Variants in NDEL1 observed in about 807,000 individuals in gnomAD.
The protein encoded by NDEL1 is nudE neurodevelopment protein 1 like 1, also known as nuclear distribution protein nudE-like 1.
Under a neutral mutation model 45.7 loss-of-function variants are expected in NDEL1, and 9 were observed. The observed-to-expected ratio is 0.20, with a 90% CI of 0.12 to 0.34. The LOEUF (loss-of-function observed/expected upper bound fraction) is 0.34, where lower values mean the gene tolerates loss of function less well. Ranked by LOEUF, NDEL1 falls within the 10% of genes least tolerant of loss-of-function variation. The pLI is 1.00. For missense variants in NDEL1, 306 were observed against 406.2 expected, an observed-to-expected ratio of 0.75 and a Z score of 2.12; for synonymous variants, 133 against 158.6, an observed-to-expected ratio of 0.84 and a Z score of 1.21.
chr17:8,427,119 AT>A (rs1349289198), intron 1 of NDEL1, among the ~76,000 whole-genome samples: 1 of 152,204 alleles, frequency 6.6e-6, no homozygotes, highest in African/African-American at 2.4e-5. Flanking sequence ...TCTCTACCCA[AT>A]TCCAGCCTTT....
chr17:8,460,018 T>G lies in NDEL1; in HGVS notation c.802T>G (p.Ser268Ala), dbSNP rs1328895635. The change falls in exon 8 of 9, where the codon TCC (serine) becomes GCC (alanine). Residue 268 changes from serine (S) to alanine (A), a missense_variant. Transcript: ENST00000334527. ...DLLRKVGALE[S>A]KLAACRNFAK... ...TCCTTCTTTTTTGTAGGCTTTAGAA[T>G]CCAAATTAGCAGCTTGCAGGAATTT... 6.2e-7 allele frequency: 1 copy of G among 1,612,336 alleles called. No individual in the cohort carries two copies. The highest frequency in any genetic ancestry group is 1.1e-5 in the South Asian group (1 of 90,528).
At chr17:8,454,998 C>A (rs1381616984) in intron 7 of NDEL1, 111 bp downstream of exon 7, 16 of 1,045,730 alleles carry the variant, frequency 1.5e-5, no homozygotes, top group Non-Finnish European at 2.3e-5. Context: ...TAAAGGCTGT[C>A]ATGAAGCTCA....
chr17:8,416,967 C>G (rs1012842772), intron 1 of NDEL1, among the ~76,000 whole-genome samples: 2 of 152,138 alleles, frequency 1.3e-5, no homozygotes, highest in African/African-American at 4.8e-5. Flanking sequence ...CTTGTTCTCA[C>G]TTCTTTTTTT....
chr17:8,459,268 T>C (rs1164167405), intron 7 of NDEL1, among the ~76,000 whole-genome samples: 1 of 152,044 alleles, frequency 6.6e-6, no homozygotes, highest in Non-Finnish European at 1.5e-5. Context: ...AAGAGACAGC[T>C]GGTGAAGTGT....
intron 1 of NDEL1, among the ~76,000 whole-genome samples, chr17:8,439,822 CT>C (rs1449801977): frequency 6.6e-6 from 1 of 152,160 alleles, no homozygotes; most frequent in Admixed American, 6.5e-5. Context: ...GTCCTAAGTA[CT>C]TTACAAATAT....
intron 4 of NDEL1, 46 bp from the exon 5 acceptor site, chr17:8,448,504 G>T: frequency 6.3e-7 from 1 of 1,580,514 alleles, no homozygotes; most frequent in Non-Finnish European, 8.6e-7. Flanking sequence ...CTATCTGTTT[G>T]CACATGTTAT....
At chr17:8,413,681 G>A (rs1302435330) in intron 1 of NDEL1, among the ~76,000 whole-genome samples, 2 of 152,198 alleles carry the variant, frequency 1.3e-5, no homozygotes, top group African/African-American at 4.8e-5. Context: ...TTAGGGGCTT[G>A]CGATCATGTC....
upstream of NDEL1, among the ~76,000 whole-genome samples, chr17:8,431,722 C>T (rs777938834): frequency 3.3e-5 from 5 of 152,132 alleles, no homozygotes; most frequent in Non-Finnish European, 7.4e-5. Flanking sequence ...CATGGGATTA[C>T]TGTGAGGATG....
intron 1 of NDEL1, among the ~76,000 whole-genome samples, chr17:8,443,770 A>T (rs1255782766): frequency 6.6e-6 from 1 of 152,018 alleles, no homozygotes; most frequent in African/African-American, 2.4e-5. Context: ...GATAATAGTA[A>T]ATTATTGGGA....
At chr17:8,420,776 A>G (rs1051374285) in intron 1 of NDEL1, among the ~76,000 whole-genome samples, 3 of 152,248 alleles carry the variant, frequency 2.0e-5, no homozygotes, top group African/African-American at 7.2e-5. Context: ...GCCTTAGATT[A>G]TATGAATCAT....
chr17:8,464,400 G>T (rs373394258), intron 8 of NDEL1: 1 of 152,054 alleles, frequency 6.6e-6, no homozygotes, highest in Non-Finnish European at 1.5e-5. Context: ...CTCTTCTCTT[G>T]CAAATCTTTT....
At chr17:8,441,178 C>A (rs1398622273) in intron 1 of NDEL1, among the ~76,000 whole-genome samples, 1 of 152,190 alleles carries the variant, frequency 6.6e-6, no homozygotes, top group Admixed American at 6.5e-5. Context: ...ACTAGGCACT[C>A]AGCCCCAGAA....
upstream of NDEL1, among the ~76,000 whole-genome samples, chr17:8,435,646 G>A (rs1248377484): frequency 6.6e-6 from 1 of 152,242 alleles, no homozygotes; most frequent in African/African-American, 2.4e-5. Flanking sequence ...CCACTCTCCC[G>A]AATAGCAGTT....
chr17:8,434,287 G>T (rs766753319), upstream of NDEL1, among the ~76,000 whole-genome samples: 7 of 152,138 alleles, frequency 4.6e-5, no homozygotes, highest in Non-Finnish European at 8.8e-5. Flanking sequence ...GTGCAGTGGT[G>T]CTCACTGCAA....
rs770308471 is a variant in NDEL1 at position 8,450,958 on chromosome 17, G to A, written c.700+5G>A. The stretch of plus-strand genomic sequence containing the variant: ...ACACTTTTCCTTCACCGAAAGGTTT[G>A]TAATGTCTTTTCTTTTTGAGGCGAT... On this transcript the variant is annotated splice_donor_5th_base_variant and intron_variant, in intron 6 of 8. Transcript: ENST00000334527. The A allele has an allele frequency of 3.0e-5, 48 of 1,601,070 alleles. No individual in the cohort carries two copies. The highest frequency in any genetic ancestry group is 3.9e-5 in the Non-Finnish European group (46 of 1,175,334).
chr17:8,443,802 T>G (rs1381082419), intron 1 of NDEL1: 1 of 152,352 alleles, frequency 6.6e-6, no homozygotes, highest in Non-Finnish European at 1.5e-5. Context: ...GATTTTCTAG[T>G]AGGGTCACCT....
intron 1 of NDEL1, among the ~76,000 whole-genome samples, chr17:8,422,922 G>T (rs1908738458): frequency 6.6e-6 from 1 of 151,978 alleles, no homozygotes; most frequent in African/African-American, 2.4e-5. Context: ...TTTTAGTAGA[G>T]ACAGGGTTTC....
intron 1 of NDEL1, among the ~76,000 whole-genome samples, chr17:8,439,544 G>A (rs1309468118): frequency 2.0e-5 from 3 of 151,968 alleles, no homozygotes; most frequent in East Asian, 1.9e-4. Flanking sequence ...ATGAGCCACC[G>A]CGCCTGGCCT....
chr17:8,469,338 A>G (rs1265190885), downstream of NDEL1, among the ~76,000 whole-genome samples: 3 of 152,138 alleles, frequency 2.0e-5, no homozygotes, highest in Non-Finnish European at 4.4e-5. Context: ...CAGGGCTTTC[A>G]CTCTGGTTAA....
Sources: gnomAD v4.1 joint callset for allele counts (sites outside exome capture counted in the v4.1 genomes callset) on GRCh38, gnomAD v4.1.1 for gene constraint, MANE v1.5 for transcripts, NCBI Gene and HGNC (gene_info 2026-07-23, HGNC 2026-07-21) for gene names.